PIWIL4: variants seen among roughly 807,000 people sequenced by gnomAD.
The protein encoded by PIWIL4 is piwi-like protein 4.
A neutral mutation model predicts 100.9 loss-of-function variants in PIWIL4; 50 were observed. That is an observed-to-expected ratio of 0.50 (90% CI 0.39 to 0.63). The LOEUF is 0.63. Among genes scored for constraint, PIWIL4 ranks in the 20% least tolerant of loss-of-function variants. The pLI is 0.00. For synonymous variants in PIWIL4, 342 were observed against 367.5 expected, an observed-to-expected ratio of 0.93 and a Z score of 0.79; for missense variants, 887 against 1,043.3, an observed-to-expected ratio of 0.85 and a Z score of 2.06.
At chr11:94,576,358 T>G (rs1948236596) in intron 3 of PIWIL4, among the ~76,000 whole-genome samples, 1 of 152,194 alleles carries the variant, frequency 6.6e-6, no homozygotes, top group South Asian at 2.1e-4. Flanking sequence ...GGTCTCGAAC[T>G]CCTGGCCTCA....
At chr11:94,607,739 G>T (rs1948739516) in intron 14 of PIWIL4, 100 bp downstream of exon 14, 2 of 1,283,580 alleles carry the variant, frequency 1.6e-6, no homozygotes, top group Non-Finnish European at 2.1e-6. Flanking sequence ...TATTTGGTTT[G>T]CTTGTTTCTT....
chr11:94,567,902 C>A, intron 1 of PIWIL4: 1 of 857,904 alleles, frequency 1.2e-6, no homozygotes, highest in Non-Finnish European at 1.4e-6. Flanking sequence ...TTTTAAATTG[C>A]CTTGTAAAAA....
chr11:94,588,726 TA>T (rs111685075), intron 7 of PIWIL4, among the ~76,000 whole-genome samples: 14 of 152,296 alleles, frequency 9.2e-5, no homozygotes, highest in African/African-American at 3.1e-4. Context: ...GGTGCTTTTT[TA>T]AATCAGAAAA....
chr11:94,611,026 ACT>A (rs1565283127), intron 15 of PIWIL4, among the ~76,000 whole-genome samples: 1 of 152,044 alleles, frequency 6.6e-6, no homozygotes, highest in Non-Finnish European at 1.5e-5. Flanking sequence ...TATTGAAGAG[ACT>A]TTCTTTATCC....
Position 94,601,733 on chromosome 11 carries a change from CTTTA to C in PIWIL4, c.1381-57_1381-54del, listed in dbSNP as rs1948644751. On this transcript the variant is annotated intron_variant, in intron 11 of 19. Coordinates refer to ENST00000299001, the MANE Select transcript of PIWIL4 (RefSeq NM_152431.3). ...CAAAAGTTGGCCATCTTCACACTGT[CTTTA>C]TTTAGCTGCTCTCTGAATAAATTTG... 4 of 1,549,886 alleles carry C rather than the reference CTTTA, an allele frequency of 2.6e-6. No individual in the cohort carries two copies. The African/African-American group carries it at 5.5e-5, about 21-fold the overall frequency.
At chr11:94,603,662 A>G (rs543693081) in intron 12 of PIWIL4, among the ~76,000 whole-genome samples, 2 of 152,192 alleles carry the variant, frequency 1.3e-5, no homozygotes, top group South Asian at 2.1e-4. Context: ...GACATTTGAT[A>G]CTGTGAGACT....
chr11:94,603,337 G>A (rs74717621), intron 12 of PIWIL4, among the ~76,000 whole-genome samples: 3,383 of 152,268 alleles, frequency 0.022, 57 homozygotes, highest in Non-Finnish European at 0.036. Context: ...AAAAGAGGCT[G>A]ATTCTACATA....
chr11:94,575,902 G>A (rs145371364), intron 3 of PIWIL4, among the ~76,000 whole-genome samples: 1 of 152,218 alleles, frequency 6.6e-6, no homozygotes, highest in African/African-American at 2.4e-5. Flanking sequence ...TTATTTATAT[G>A]AGCAGCTAAA....
intron 16 of PIWIL4, 42 bp downstream of exon 16, chr11:94,616,605 T>C: frequency 6.8e-7 from 1 of 1,474,178 alleles, no homozygotes; most frequent in Non-Finnish European, 9.4e-7. Flanking sequence ...CAAGGACTGT[T>C]CCTTCAGACC....
At chr11:94,568,701 C>A (rs1203236517) in intron 1 of PIWIL4, 29 bp from the exon 2 acceptor site, 1 of 1,526,054 alleles carries the variant, frequency 6.6e-7, no homozygotes, top group Non-Finnish European at 9.1e-7. Flanking sequence ...CATTGTAAAT[C>A]TGAACAAAAC....
Position 94,568,713 on chromosome 11 carries a change from T to A in PIWIL4, c.88-17T>A, listed in dbSNP as rs770366310. ...TACCATTGTAAATCTGAACAAAACTTTTTTTTGCCATTTTAGCCTAGATCT... is the reference window on the plus strand; with the variant it reads ...TACCATTGTAAATCTGAACAAAACTATTTTTTGCCATTTTAGCCTAGATCT... On this transcript the variant is annotated splice_polypyrimidine_tract_variant and intron_variant, in intron 1 of 19. Coordinates refer to ENST00000299001, the MANE Select transcript of PIWIL4 (RefSeq NM_152431.3). The A allele has an allele frequency of 1.3e-6, 2 of 1,572,208 alleles. No homozygotes were observed. The highest frequency in any genetic ancestry group is 8.8e-7 in the Non-Finnish European group (1 of 1,142,080).
intron 4 of PIWIL4, among the ~76,000 whole-genome samples, chr11:94,578,586 T>C (rs1467057549): frequency 6.6e-6 from 1 of 152,212 alleles, no homozygotes; most frequent in Non-Finnish European, 1.5e-5. Context: ...GGGGCATTGT[T>C]CCCATAAACT....
chr11:94,588,158 G>C (rs528211290), intron 7 of PIWIL4, among the ~76,000 whole-genome samples: 124 of 150,312 alleles, frequency 8.2e-4, no homozygotes, highest in African/African-American at 2.9e-3. Context: ...TCCCCTCCTC[G>C]TGTCCATGTG....
At chr11:94,581,107 G>A (rs112062277) in intron 4 of PIWIL4, among the ~76,000 whole-genome samples, 35,720 of 151,522 alleles carry the variant, frequency 0.24, 4,478 homozygotes, top group East Asian at 0.28. Context: ...ACCACATTGG[G>A]CAGGCTGGGC....
At chr11:94,614,560 C>T (rs1036240941) in intron 15 of PIWIL4, among the ~76,000 whole-genome samples, 4 of 152,124 alleles carry the variant, frequency 2.6e-5, no homozygotes, top group Admixed American at 6.5e-5. Context: ...CCTCCCTCCT[C>T]GGCCTCTAAA....
chr11:94,590,727 G>A (rs1948472441), intron 8 of PIWIL4, among the ~76,000 whole-genome samples: 1 of 152,030 alleles, frequency 6.6e-6, no homozygotes, highest in African/African-American at 2.4e-5. Flanking sequence ...TCACCAAGAC[G>A]AGTTCTGTAT....
chr11:94,605,163 C>T (rs1353904589), intron 13 of PIWIL4, among the ~76,000 whole-genome samples: 1 of 152,192 alleles, frequency 6.6e-6, no homozygotes, highest in Non-Finnish European at 1.5e-5. Flanking sequence ...AAGCATATGA[C>T]AATCATCAAA....
At chr11:94,570,429 T>C (rs989071087) in intron 2 of PIWIL4, among the ~76,000 whole-genome samples, 3 of 151,954 alleles carry the variant, frequency 2.0e-5, no homozygotes, top group African/African-American at 7.3e-5. Flanking sequence ...CCTCTTCTTA[T>C]GACAACAGTC....
chr11:94,593,734 C>T, intron 9 of PIWIL4, 93 bp downstream of exon 9: 2 of 1,403,848 alleles, frequency 1.4e-6, no homozygotes, highest in Non-Finnish European at 1.9e-6. Flanking sequence ...ACATGAATGC[C>T]AGGACATCGA....
Sources: allele counts gnomAD v4.1 joint callset (sites outside exome capture counted in the v4.1 genomes callset), GRCh38; gene constraint gnomAD v4.1.1; transcripts MANE v1.5; gene names NCBI Gene and HGNC (gene_info 2026-07-23, HGNC 2026-07-21).